The following ANKRD30A variants were observed in gnomAD, a reference collection of about 807,000 sequenced individuals.
ANKRD30A encodes the protein ankyrin repeat domain 30A.
Under a neutral mutation model 166.3 loss-of-function variants are expected in ANKRD30A, and 170 were observed. That is an observed-to-expected ratio of 1.02 (90% CI 0.90 to 1.16). The LOEUF is 1.16. ANKRD30A is among the 50% of genes most tolerant of loss of function. The pLI is 0.00. For synonymous variants in ANKRD30A, 564 were observed against 508.9 expected, an observed-to-expected ratio of 1.11 and a Z score of -1.46; for missense variants, 1,630 against 1,518.0, an observed-to-expected ratio of 1.07 and a Z score of -1.23.
Position 37,162,710 on chromosome 10 carries a change from T to C in ANKRD30A, c.1929+33T>C, listed in dbSNP as rs749632887. 5.0e-6 allele frequency: 8 copies of C among 1,613,058 alleles called. No homozygotes were observed. The East Asian group carries it at 1.6e-4, about 31-fold the overall frequency. On this transcript the variant is annotated intron_variant, in intron 16 of 35. Transcript: ENST00000361713. ...GTTTTATGATTTCATTTTGAATGAC[T>C]TATTATCTATGTATTTTGTGAAGTA...
intron 31 of ANKRD30A, among the ~76,000 whole-genome samples, chr10:37,211,150 T>C (rs913452335): frequency 6.6e-6 from 1 of 152,046 alleles, no homozygotes; most frequent in African/African-American, 2.4e-5. Context: ...GAATTTTTTT[T>C]ATTATTATAC....
In ANKRD30A at chr10:37,193,053, T is replaced by G. The variant is rs1193670366; in HGVS notation, c.2513-11T>G. The G allele has an allele frequency of 6.2e-7, 1 of 1,608,500 alleles. No homozygotes were observed. Among genetic ancestry groups the G allele is most frequent in the Non-Finnish European group, 8.5e-7 (1 of 1,176,502 alleles). On this transcript the variant is annotated splice_polypyrimidine_tract_variant and intron_variant, in intron 25 of 35. Transcript: ENST00000361713. ...GCATACAATAAATTATATATGTCCC[T>G]TTTCTTTTAGAGTCTCCTGATAATG...
At chr10:37,262,747 A>T in the ANKRD30A span, among the ~76,000 whole-genome samples, 3 of 152,322 alleles carry the variant, frequency 2.0e-5, no homozygotes, top group East Asian at 5.8e-4. Context: ...TACACCTCTA[A>T]GCTAACAACA....
chr10:37,165,340 T>G (rs1839234095), intron 18 of ANKRD30A, among the ~76,000 whole-genome samples, 185 bp downstream of exon 18: 1 of 152,224 alleles, frequency 6.6e-6, no homozygotes, highest in Admixed American at 6.5e-5. Context: ...AGTGAAATTC[T>G]GGGAATTTGT....
rs549672970 is a variant in ANKRD30A at position 37,219,473 on chromosome 10, C to T, written c.3761C>T (p.Ser1254Phe). ...YNNEVLHQPL[S>F]EAQRKSKSLK... The stretch of plus-strand genomic sequence containing the variant: ...AATGAGGTGCTCCATCAACCACTTT[C>T]TGAAGCTCAAAGGAAATCCAAAAGC... The change falls in exon 34 of 36, where the codon TCT (serine) becomes TTT (phenylalanine). Residue 1254 changes from serine to phenylalanine, a missense_variant. Coordinates refer to ENST00000361713, the MANE Select transcript of ANKRD30A (RefSeq NM_052997.3). 1 of 1,610,190 alleles carries T rather than the reference C, an allele frequency of 6.2e-7. No homozygotes were observed. Among genetic ancestry groups the T allele is most frequent in the African/African-American group, 1.3e-5 (1 of 74,734 alleles).
chr10:37,179,042 A>G (rs1283560291), intron 24 of ANKRD30A, among the ~76,000 whole-genome samples: 7 of 125,548 alleles, frequency 5.6e-5, no homozygotes, highest in African/African-American at 1.6e-4. Context: ...ATATATATAT[A>G]TATATATATA....
intron 17 of ANKRD30A, among the ~76,000 whole-genome samples, chr10:37,164,580 G>T (rs140275547): frequency 0.017 from 2,610 of 152,150 alleles, 83 homozygotes; most frequent in African/African-American, 0.059. Context: ...CACTGTCATA[G>T]CATACGGAAA....
At chr10:37,233,194 T>C (rs2132770760), downstream of ANKRD30A, among the ~76,000 whole-genome samples, 1 of 152,262 alleles carries the variant, frequency 6.6e-6, no homozygotes, top group Non-Finnish European at 1.5e-5. Context: ...AATTAAATGA[T>C]TGTTTTAATA....
chr10:37,164,838 G>T (rs1179565692), intron 17 of ANKRD30A, among the ~76,000 whole-genome samples: 2 of 152,036 alleles, frequency 1.3e-5, no homozygotes, highest in African/African-American at 2.4e-5. Flanking sequence ...TGACTGCTTT[G>T]TGAAGAAATA....
the ANKRD30A span, among the ~76,000 whole-genome samples, chr10:37,239,118 A>G: frequency 1.3e-5 from 2 of 152,152 alleles, no homozygotes; most frequent in African/African-American, 2.4e-5. Context: ...CCAGATGGAA[A>G]CACTTGCAAT....
chr10:37,141,863 A>G lies in ANKRD30A; in HGVS notation c.966A>G (p.Glu322=), dbSNP rs1837153381. 6.2e-7 allele frequency: 1 copy of G among 1,607,156 alleles called. No individual in the cohort carries two copies. Among genetic ancestry groups the G allele is most frequent in the Non-Finnish European group, 8.5e-7 (1 of 1,177,844 alleles). The change falls in exon 7 of 36, where the codon GAA becomes GAG. Residue 322 remains glutamate, a synonymous_variant. Transcript: ENST00000361713. ...RTPDTAESLV[E]KTPDEAASLV... ...CTGACACGGCTGAAAGCTTGGTGGAAAAAACACCTGATGAGGCTGCATCCT... is the reference window on the plus strand; with the variant it reads ...CTGACACGGCTGAAAGCTTGGTGGAGAAAACACCTGATGAGGCTGCATCCT...
intron 29 of ANKRD30A, among the ~76,000 whole-genome samples, chr10:37,198,503 A>G (rs1238000693): frequency 6.6e-6 from 1 of 152,048 alleles, no homozygotes; most frequent in Non-Finnish European, 1.5e-5. Flanking sequence ...TTTTTTGGTT[A>G]TTAGAAATTA....
downstream of ANKRD30A, among the ~76,000 whole-genome samples, chr10:37,232,990 C>G (rs1843521454): frequency 6.6e-6 from 1 of 151,374 alleles, no homozygotes; most frequent in Non-Finnish European, 1.5e-5. Flanking sequence ...ATCACTGTCA[C>G]TAAAATACCC....
chr10:37,256,413 C>T, the ANKRD30A span, among the ~76,000 whole-genome samples: 1 of 152,194 alleles, frequency 6.6e-6, no homozygotes, highest in African/African-American at 2.4e-5. Flanking sequence ...AACACCACCA[C>T]ACTTGGCTAA....
intron 13 of ANKRD30A, among the ~76,000 whole-genome samples, chr10:37,154,251 T>A (rs17606243): frequency 2.6e-5 from 4 of 152,204 alleles, no homozygotes; most frequent in Non-Finnish European, 4.4e-5. Context: ...ATGTATATAA[T>A]TTGTCATATA....
chr10:37,241,168 C>T, the ANKRD30A span: 1 of 151,256 alleles, frequency 6.6e-6, no homozygotes, highest in Non-Finnish European at 1.5e-5. Context: ...TTTTTCTTTC[C>T]AGGTGGTGCT....
intron 31 of ANKRD30A, among the ~76,000 whole-genome samples, chr10:37,212,455 T>C (rs184918637): frequency 6.6e-6 from 1 of 152,142 alleles, no homozygotes; most frequent in East Asian, 1.9e-4. Flanking sequence ...CAAGGTAATT[T>C]ATCGATTCAA....
At chr10:37,136,892 AAG>A (rs1836733883) in intron 6 of ANKRD30A, among the ~76,000 whole-genome samples, 1 of 151,190 alleles carries the variant, frequency 6.6e-6, no homozygotes, top group African/African-American at 2.4e-5. Context: ...AGAATTAGTT[AAG>A]AATTTAGTTG....
At chr10:37,223,974 A>G (rs1717281387) in intron 34 of ANKRD30A, among the ~76,000 whole-genome samples, 1 of 151,328 alleles carries the variant, frequency 6.6e-6, no homozygotes. Context: ...TATTAACTAT[A>G]ATTTCAATAT....
Sources: allele counts gnomAD v4.1 joint callset (sites outside exome capture counted in the v4.1 genomes callset), GRCh38; gene constraint gnomAD v4.1.1; transcripts MANE v1.5; gene names NCBI Gene and HGNC (gene_info 2026-07-23, HGNC 2026-07-21).